Variants in LRRC20 observed in about 807,000 individuals in gnomAD.
LRRC20 encodes leucine-rich repeat-containing protein 20.
Under a neutral mutation model 14.4 loss-of-function variants are expected in LRRC20, and 11 were observed. The ratio of observed to expected loss-of-function variants is 0.77; its 90% CI spans 0.48 to 1.27. The LOEUF (loss-of-function observed/expected upper bound fraction) is 1.27. Ranked by LOEUF, LRRC20 falls within the 50% of genes most tolerant of loss-of-function variation. The pLI, the probability that LRRC20 is intolerant of heterozygous loss-of-function variation, is 0.00. For missense variants in LRRC20, 219 were observed against 251.2 expected, an observed-to-expected ratio of 0.87 and a Z score of 0.87; for synonymous variants, 121 against 107.3, an observed-to-expected ratio of 1.13 and a Z score of -0.79.
chr10:70,309,321 T>A (rs1841553135), intron 4 of LRRC20, among the ~76,000 whole-genome samples: 1 of 152,196 alleles, frequency 6.6e-6, no homozygotes, highest in Non-Finnish European at 1.5e-5. Context: ...TGCTAGACAG[T>A]TCCTCACAAT....
rs34937946 is a variant in LRRC20 at position 70,323,903 on chromosome 10, C to T, written c.360G>A (p.Pro120=). 0.014 allele frequency: 22,741 copies of T among 1,614,164 alleles called. 224 individuals carry two copies. Among genetic ancestry groups the T allele is most frequent in the Non-Finnish European group, 0.015 (17,314 of 1,180,026 alleles). ...QDFPEQLTAL[P]ALETINLEEN... is the part of the protein sequence containing the mutation. Reference sequence around the variant, plus strand: ...CCTCCAGGTTGATGGTCTCCAGCGCCGGCAGGGCGGTAAGCTGCTCAGGGA... The same window carrying T: ...CCTCCAGGTTGATGGTCTCCAGCGCTGGCAGGGCGGTAAGCTGCTCAGGGA... Residue 120 remains proline, a synonymous_variant, in exon 4 of 5, where the codon CCG becomes CCA. Transcript: ENST00000446961.
At chr10:70,352,337 T>C (rs966711302) in intron 2 of LRRC20, among the ~76,000 whole-genome samples, 2 of 152,192 alleles carry the variant, frequency 1.3e-5, no homozygotes, top group African/African-American at 2.4e-5. Flanking sequence ...AAATCTTTCA[T>C]TGTAGTGTGA....
chr10:70,359,010 G>T (rs765820120), intron 2 of LRRC20, among the ~76,000 whole-genome samples: 39 of 152,200 alleles, frequency 2.6e-4, no homozygotes, highest in Non-Finnish European at 4.6e-4. Context: ...ATGAAGAAAA[G>T]AATGAGCTAA....
At chr10:70,322,666 C>T (rs930636412) in intron 4 of LRRC20, among the ~76,000 whole-genome samples, 1 of 152,174 alleles carries the variant, frequency 6.6e-6, no homozygotes, top group African/African-American at 2.4e-5. Context: ...CCAGGGGCTT[C>T]CCAGAGGCCA....
At chr10:70,345,171 T>C (rs1417239566) in intron 2 of LRRC20, among the ~76,000 whole-genome samples, 1 of 152,052 alleles carries the variant, frequency 6.6e-6, no homozygotes, top group Admixed American at 6.5e-5. Context: ...AGAAATTATG[T>C]AGTTCAAAAA....
At chr10:70,308,395 C>T (rs778071199) in intron 4 of LRRC20, among the ~76,000 whole-genome samples, 2 of 152,026 alleles carry the variant, frequency 1.3e-5, no homozygotes, top group African/African-American at 4.8e-5. Context: ...TGCAGGAGTC[C>T]CCGGGCCCCG....
Position 70,301,360 on chromosome 10 carries a change from TA to T in LRRC20, c.548del (p.Leu183HisfsTer54). The T allele has an allele frequency of 5.0e-6, 8 of 1,609,552 alleles. No homozygotes were observed. The highest frequency in any genetic ancestry group is 1.1e-5 in the South Asian group (1 of 90,788). On this transcript the variant is annotated frameshift_variant, in exon 5 of 5. Coordinates refer to ENST00000446961, the MANE Select transcript of LRRC20 (RefSeq NM_001278212.2). LOFTEE classifies it high-confidence loss of function. Reference protein sequence around the residue: ...LMSPEGARAPLP With the variant: ...LMSPEGARAPXP ...TGGGCATGAGGAGGGTGGCCTAAGG[TA>T]GGGGGGCTCTTGCGCCTTCCGGAGA...
chr10:70,305,139 A>G (rs1023993614), intron 4 of LRRC20, among the ~76,000 whole-genome samples: 5 of 151,852 alleles, frequency 3.3e-5, no homozygotes, highest in Non-Finnish European at 7.4e-5. Context: ...AGCCGAGATC[A>G]CACCACTGCA....
chr10:70,325,798 G>C (rs559007298), intron 3 of LRRC20, among the ~76,000 whole-genome samples: 2 of 152,308 alleles, frequency 1.3e-5, no homozygotes, highest in Admixed American at 1.3e-4. Context: ...CTCTGAGTCT[G>C]TCCTTCCTCC....
At chr10:70,378,160 C>G (rs1301286298) in intron 1 of LRRC20, among the ~76,000 whole-genome samples, 2 of 152,104 alleles carry the variant, frequency 1.3e-5, no homozygotes, top group East Asian at 1.9e-4. Flanking sequence ...GCATATAACC[C>G]CAGTTTAATA....
intron 4 of LRRC20, among the ~76,000 whole-genome samples, chr10:70,307,957 G>A (rs1841487462): frequency 6.6e-6 from 1 of 152,262 alleles, no homozygotes; most frequent in Non-Finnish European, 1.5e-5. Flanking sequence ...TGCATCCGCT[G>A]AGCAGCAGCC....
At chr10:70,304,489 TA>T (rs1214500930) in intron 4 of LRRC20, among the ~76,000 whole-genome samples, 12 of 141,884 alleles carry the variant, frequency 8.5e-5, no homozygotes, top group African/African-American at 2.8e-4. Context: ...TATATATATA[TA>T]TATATATATA....
intron 3 of LRRC20, among the ~76,000 whole-genome samples, chr10:70,328,176 C>T (rs943943653): frequency 6.6e-6 from 1 of 152,160 alleles, no homozygotes; most frequent in Admixed American, 6.5e-5. Context: ...GGATGAGCTA[C>T]ACAAGTCACA....
At position 70,340,556 on chromosome 10, in the gene LRRC20, G is replaced by A. The variant is rs201523357; in HGVS notation, c.229C>T (p.Arg77Ter). The A allele has an allele frequency of 4.5e-5, 73 of 1,613,966 alleles. No homozygotes were observed. The highest frequency in any genetic ancestry group is 8.8e-5 in the South Asian group (8 of 91,078). ...GCTGGAGCTGACCAGGGCCTACCTC[G>A]GAGCTGACTGAATGTGGTCATGAAC... is the stretch of plus-strand genomic sequence containing the variant. ...SKFMTTFSQL[R>*]ELHLEGNFLH... Residue 77 changes from arginine (R) to a stop codon, truncating the protein, a stop_gained, in exon 3 of 5, where the codon CGA becomes TGA. Coordinates refer to ENST00000446961, the MANE Select transcript of LRRC20 (RefSeq NM_001278212.2). LOFTEE classifies it high-confidence loss of function.
chr10:70,335,278 T>C (rs1046562086), intron 3 of LRRC20, among the ~76,000 whole-genome samples: 1 of 152,210 alleles, frequency 6.6e-6, no homozygotes, highest in Admixed American at 6.5e-5. Context: ...ACAAGCCCTC[T>C]GGGGCCCAGT....
intron 4 of LRRC20, among the ~76,000 whole-genome samples, chr10:70,307,912 G>A (rs1841485469): frequency 6.6e-6 from 1 of 152,244 alleles, no homozygotes; most frequent in South Asian, 2.1e-4. Context: ...TCCAGCTAGT[G>A]CAGGTTCCCT....
intron 2 of LRRC20, among the ~76,000 whole-genome samples, chr10:70,349,108 T>G (rs1843188296): frequency 1.3e-5 from 2 of 151,882 alleles, no homozygotes; most frequent in South Asian, 4.2e-4. Flanking sequence ...CGAGAAGGTC[T>G]CATTCTCTAT....
At chr10:70,379,734 A>C (rs149085792) in intron 1 of LRRC20, among the ~76,000 whole-genome samples, 1 of 152,302 alleles carries the variant, frequency 6.6e-6, no homozygotes, top group African/African-American at 2.4e-5. Context: ...GAATATTTTC[A>C]ATCAGGCACT....
At chr10:70,351,724 C>T (rs1479046795) in intron 2 of LRRC20, among the ~76,000 whole-genome samples, 1 of 152,156 alleles carries the variant, frequency 6.6e-6, no homozygotes, top group African/African-American at 2.4e-5. Context: ...CAACTAGAAT[C>T]ATGGAAGCCA....
Sources: allele counts gnomAD v4.1 joint callset (sites outside exome capture counted in the v4.1 genomes callset), GRCh38; gene constraint gnomAD v4.1.1; transcripts MANE v1.5; gene names NCBI Gene and HGNC (gene_info 2026-07-23, HGNC 2026-07-21).